ATP9A: variants seen among roughly 807,000 people sequenced by gnomAD.
ATP9A encodes the protein probable phospholipid-transporting ATPase IIA.
A neutral mutation model predicts 144.1 loss-of-function variants in ATP9A; 52 were observed. The observed-to-expected ratio is 0.36, with a 90% CI of 0.29 to 0.45. The LOEUF is 0.45. Among genes scored for constraint, ATP9A ranks in the 20% least tolerant of loss-of-function variants. The pLI is 1.00. For missense variants in ATP9A, 947 were observed against 1,392.7 expected (o/e 0.68, Z 5.09); for synonymous variants, 582 against 557.4 (o/e 1.04, Z -0.62).
At position 51,613,679 on chromosome 20, in the gene ATP9A, G is replaced by A. The variant is rs1161118562; in HGVS notation, c.2569C>T (p.Gln857Ter). ...IHRSLCISTM[Q>*]AVFSSVFYFA... ...AGAGGGGCCAGCTGTCCACTCACCT[G>A]CATGGTGCTGATACAGAGGCTCCTG... The change falls in exon 23 of 28, where the codon CAG becomes TAG. Residue 857 changes from glutamine to a stop codon, truncating the protein, a stop_gained and splice_region_variant. Coordinates refer to ENST00000338821, the MANE Select transcript of ATP9A (RefSeq NM_006045.3). LOFTEE classifies it high-confidence loss of function. 1 of 1,613,420 alleles carries A rather than the reference G, an allele frequency of 6.2e-7. No individual in the cohort carries two copies. The highest frequency in any genetic ancestry group is 1.3e-5 in the African/African-American group (1 of 74,916).
At chr20:51,756,835 G>A (rs78157808) in intron 1 of ATP9A, among the ~76,000 whole-genome samples, 3,664 of 152,196 alleles carry the variant, frequency 0.024, 64 homozygotes, top group Non-Finnish European at 0.038. Flanking sequence ...AAATCAGAAA[G>A]CTGACCTCAT....
chr20:51,694,850 A>C (rs1196724334), intron 6 of ATP9A, among the ~76,000 whole-genome samples: 1 of 152,150 alleles, frequency 6.6e-6, no homozygotes, highest in Admixed American at 6.5e-5. Flanking sequence ...GAACACTCAT[A>C]ATTTTGGTTT....
intron 1 of ATP9A, among the ~76,000 whole-genome samples, chr20:51,748,907 TTAGATAGATAGA>T (rs34474584): frequency 3.6e-4 from 51 of 143,274 alleles, no homozygotes; most frequent in South Asian, 1.4e-3. Context: ...CCTCTAAAGA[TTAGATAGATAGA>T]TAGATAGATA....
At chr20:51,619,596 C>T (rs1458915418) in intron 19 of ATP9A, among the ~76,000 whole-genome samples, 5 of 139,822 alleles carry the variant, frequency 3.6e-5, no homozygotes, top group African/African-American at 1.3e-4. Context: ...GGGCCAGGTA[C>T]GGTGGCTCAC....
At chr20:51,663,597 A>G (rs1053568159) in intron 13 of ATP9A, among the ~76,000 whole-genome samples, 1 of 152,040 alleles carries the variant, frequency 6.6e-6, no homozygotes. Flanking sequence ...GATCAAGACC[A>G]TCCTGGCTAA....
chr20:51,716,097 T>C (rs1017650418), intron 3 of ATP9A, among the ~76,000 whole-genome samples: 35 of 152,072 alleles, frequency 2.3e-4, no homozygotes, highest in African/African-American at 7.5e-4. Context: ...CATATCTTGA[T>C]TGAGGTGGTA....
chr20:51,599,607 T>C lies in ATP9A; in HGVS notation c.*1604A>G, dbSNP rs2077133722. 1.3e-5 allele frequency: 2 copies of C among 152,082 alleles called. No homozygotes were observed. Among genetic ancestry groups the C allele is most frequent in the Admixed American group, 1.3e-4 (2 of 15,262 alleles). The allele number at this position is 152,082 out of a possible 1,614,324, so 9.4% of individuals were successfully genotyped here. A position where few individuals can be genotyped will look rare whatever the true frequency, so the allele number is the denominator to read the frequency against. On this transcript the variant is annotated 3_prime_UTR_variant, in exon 28 of 28. Coordinates refer to ENST00000338821, the MANE Select transcript of ATP9A (RefSeq NM_006045.3). ...ACCAGTACCTGCAACGTAAAGTCAT[T>C]CTAGAACATTTTAAAAGGACAACAC... is the stretch of plus-strand genomic sequence containing the variant.
At chr20:51,737,111 G>A (rs1425779894) in intron 1 of ATP9A, among the ~76,000 whole-genome samples, 1 of 152,146 alleles carries the variant, frequency 6.6e-6, no homozygotes, top group Non-Finnish European at 1.5e-5. Flanking sequence ...CTAACGGGTA[G>A]AAGCAGGAAT....
intron 2 of ATP9A, among the ~76,000 whole-genome samples, chr20:51,726,215 A>G (rs560762659): frequency 6.6e-6 from 1 of 150,936 alleles, no homozygotes; most frequent in Middle Eastern, 3.4e-3. Flanking sequence ...CAGGAGGCTG[A>G]AGCAGGAGAA....
At chr20:51,669,945 T>TTA in intron 13 of ATP9A, 52 bp downstream of exon 13, 1 of 1,032,526 alleles carries the variant, frequency 9.7e-7, no homozygotes. Context: ...ATATAGCTGT[T>TTA]AAAAAAAAAA....
intron 14 of ATP9A, among the ~76,000 whole-genome samples, chr20:51,644,267 CTTT>C (rs772071945): frequency 7.9e-5 from 6 of 76,014 alleles, no homozygotes; most frequent in Non-Finnish European, 5.1e-5. Context: ...TTACTTCTAG[CTTT>C]TTTTTTTTTT....
At chr20:51,656,777 A>G (rs558514067) in intron 14 of ATP9A, among the ~76,000 whole-genome samples, 161 bp downstream of exon 14, 1 of 152,320 alleles carries the variant, frequency 6.6e-6, no homozygotes, top group South Asian at 2.1e-4. Flanking sequence ...TTTAGAGGAA[A>G]GGCGTTTCTT....
intron 15 of ATP9A, among the ~76,000 whole-genome samples, chr20:51,629,400 T>A (rs2077262105): frequency 6.6e-6 from 1 of 152,218 alleles, no homozygotes; most frequent in African/African-American, 2.4e-5. Context: ...ACTGCAGATA[T>A]CATCAAACTG....
intron 1 of ATP9A, among the ~76,000 whole-genome samples, chr20:51,754,118 G>A (rs946176964): frequency 1.3e-5 from 2 of 152,112 alleles, no homozygotes; most frequent in African/African-American, 2.4e-5. Context: ...AGCCCCACAG[G>A]AGGACAGACC....
intron 2 of ATP9A, among the ~76,000 whole-genome samples, chr20:51,729,254 G>C (rs2077729123): frequency 6.6e-6 from 1 of 152,098 alleles, no homozygotes; most frequent in African/African-American, 2.4e-5. Context: ...CTTAGGCTTA[G>C]CACACCAAAT....
In ATP9A at chr20:51,753,328, C is replaced by A. The variant is rs911655897; in HGVS notation, c.68+14974G>T. 4.5e-4 allele frequency among the ~76,000 whole-genome samples: 68 copies of A among 152,070 alleles called. 1 individual carries two copies. The highest frequency in any genetic ancestry group is 4.3e-3 in the Admixed American group (65 of 15,246). On this transcript the variant is annotated intron_variant, in intron 1 of 27. Transcript: ENST00000338821. ...GGCGTGGTGGTGTGCACCTGTAGTCCTAGCTACTTGGGAGGCAGAGGCGGA... is the reference window on the plus strand; with the variant it reads ...GGCGTGGTGGTGTGCACCTGTAGTCATAGCTACTTGGGAGGCAGAGGCGGA...
chr20:51,684,980 T>C (rs908055592), intron 9 of ATP9A, among the ~76,000 whole-genome samples: 20 of 147,644 alleles, frequency 1.4e-4, no homozygotes, highest in Admixed American at 4.9e-4. Context: ...CACTGACCTC[T>C]AGCCCGGACC....
In ATP9A at chr20:51,695,974, T is replaced by C; in HGVS notation, c.547+119A>G. 5 of 900,028 alleles carry C rather than the reference T, an allele frequency of 5.6e-6. No homozygotes were observed. The South Asian group carries it at 6.4e-5, about 11-fold the overall frequency. 55.8% of individuals were successfully genotyped at this position (900,028 alleles called of 1,614,324 possible). On this transcript the variant is annotated intron_variant, in intron 6 of 27. Coordinates refer to ENST00000338821, the MANE Select transcript of ATP9A (RefSeq NM_006045.3). ...CACGGTCTATTTAAAAAGATGCTTT[T>C]GATTTGCCTCCATGGCTCCAAAATG...
intron 8 of ATP9A, among the ~76,000 whole-genome samples, chr20:51,690,147 T>A (rs6021386): frequency 0.45 from 56,236 of 123,770 alleles, 12,142 homozygotes; most frequent in Middle Eastern, 0.54. Flanking sequence ...AAGGCCAGGC[T>A]CAGTGGCTCA....
Sources: allele counts gnomAD v4.1 joint callset (sites outside exome capture counted in the v4.1 genomes callset), GRCh38; gene constraint gnomAD v4.1.1; transcripts MANE v1.5; gene names NCBI Gene and HGNC (gene_info 2026-07-23, HGNC 2026-07-21).